Variants in EFNA5 observed in about 807,000 individuals in gnomAD.
The protein encoded by EFNA5 is ephrin A5, also known as ephrin-A5.
Under a neutral mutation model 22.9 loss-of-function variants are expected in EFNA5, and 5 were observed. That is an observed-to-expected ratio of 0.22 (90% CI 0.11 to 0.46). The LOEUF (loss-of-function observed/expected upper bound fraction) is 0.46. Among genes scored for constraint, EFNA5 ranks in the 20% least tolerant of loss-of-function variants. The pLI, the probability that EFNA5 is intolerant of heterozygous loss-of-function variation, is 0.99. For missense variants in EFNA5, 237 were observed against 293.3 expected (o/e 0.81, Z 1.40); for synonymous variants, 113 against 112.2 (o/e 1.01, Z -0.04).
In EFNA5 at chr5:107,612,053, C is replaced by A. The variant is rs1309721374; in HGVS notation, c.125+58436G>T. On this transcript the variant is annotated intron_variant, in intron 1 of 4. Transcript: ENST00000333274. Reference sequence around the variant, plus strand: ...GAATTAGCAATGATTAACAGATATTCTTCAAATATATGTACTTTCTTCAGA... The same window carrying A: ...GAATTAGCAATGATTAACAGATATTATTCAAATATATGTACTTTCTTCAGA... Among the ~76,000 whole-genome samples the A allele has an allele frequency of 2.6e-5, 4 of 152,254 alleles. No homozygotes were observed. In the South Asian group the frequency reaches 6.2e-4, roughly 24 times the overall value.
intron 1 of EFNA5, among the ~76,000 whole-genome samples, chr5:107,548,588 G>A (rs966895700): frequency 9.2e-5 from 14 of 152,192 alleles, no homozygotes; most frequent in African/African-American, 3.4e-4. Context: ...CGGGCTACAA[G>A]GAACTGTCAC....
chr5:107,390,096 G>A (rs1384012158), intron 2 of EFNA5, among the ~76,000 whole-genome samples: 1 of 152,162 alleles, frequency 6.6e-6, no homozygotes, highest in East Asian at 1.9e-4. Context: ...AACCCTTACA[G>A]CCAACCTGAG....
At chr5:107,423,547 G>A (rs1381572981) in intron 2 of EFNA5, among the ~76,000 whole-genome samples, 1 of 151,950 alleles carries the variant, frequency 6.6e-6, no homozygotes, top group Non-Finnish European at 1.5e-5. Flanking sequence ...CAGCTAAAAT[G>A]AGTATTTTTG....
chr5:107,509,700 A>G (rs1201589360), intron 1 of EFNA5, among the ~76,000 whole-genome samples: 1 of 152,052 alleles, frequency 6.6e-6, no homozygotes, highest in East Asian at 1.9e-4. Flanking sequence ...AAATGATTTA[A>G]AAACGTAGAT....
At chr5:107,620,031 G>T (rs1750002680) in intron 1 of EFNA5, among the ~76,000 whole-genome samples, 1 of 152,188 alleles carries the variant, frequency 6.6e-6, no homozygotes, top group Admixed American at 6.5e-5. Context: ...GCTGACAGTA[G>T]CAAACCTCAG....
chr5:107,385,091 A>G (rs1350424519), intron 4 of EFNA5, among the ~76,000 whole-genome samples: 1 of 152,012 alleles, frequency 6.6e-6, no homozygotes, highest in Non-Finnish European at 1.5e-5. Context: ...GTATGCACAC[A>G]CTGAACTACA....
At chr5:107,461,361 G>C (rs1031964974) in intron 1 of EFNA5, among the ~76,000 whole-genome samples, 1 of 152,226 alleles carries the variant, frequency 6.6e-6, no homozygotes, top group East Asian at 1.9e-4. Context: ...CTATTCAGTA[G>C]AATTCTTTAA....
intron 1 of EFNA5, among the ~76,000 whole-genome samples, chr5:107,488,460 T>A (rs1265390563): frequency 6.6e-6 from 1 of 152,204 alleles, no homozygotes; most frequent in East Asian, 1.9e-4. Flanking sequence ...ATATCTCTAG[T>A]TATTCTCTAT....
chr5:107,447,908 C>A (rs547441758), intron 1 of EFNA5, among the ~76,000 whole-genome samples: 11 of 151,978 alleles, frequency 7.2e-5, no homozygotes, highest in African/African-American at 2.4e-4. Flanking sequence ...AGTGCAGTGG[C>A]ACAATCTCAG....
At chr5:107,661,253 T>G (rs539801667) in intron 1 of EFNA5, among the ~76,000 whole-genome samples, 2 of 152,112 alleles carry the variant, frequency 1.3e-5, no homozygotes, top group African/African-American at 4.8e-5. Flanking sequence ...ATAAAATTAT[T>G]GGGAGGCAAA....
chr5:107,670,423 C>G, intron 1 of EFNA5, 66 bp downstream of exon 1: 1 of 1,496,164 alleles, frequency 6.7e-7, no homozygotes, highest in East Asian at 2.6e-5. Context: ...CCGATCCCCG[C>G]CGCCGCTCCT....
intron 1 of EFNA5, among the ~76,000 whole-genome samples, chr5:107,526,122 T>C (rs1001489847): frequency 1.3e-5 from 2 of 152,164 alleles, no homozygotes; most frequent in Non-Finnish European, 2.9e-5. Flanking sequence ...CAGAAACTTA[T>C]CTATTATTTT....
intron 1 of EFNA5, among the ~76,000 whole-genome samples, chr5:107,657,124 CTT>C (rs912336330): frequency 6.6e-6 from 1 of 151,952 alleles, no homozygotes; most frequent in African/African-American, 2.4e-5. Context: ...CTGTTAATAA[CTT>C]TGAGTTAAAT....
At chr5:107,485,825 C>G (rs897227236) in intron 1 of EFNA5, among the ~76,000 whole-genome samples, 1 of 152,180 alleles carries the variant, frequency 6.6e-6, no homozygotes, top group African/African-American at 2.4e-5. Flanking sequence ...ACCTCACCTT[C>G]TACTGCGTAT....
At chr5:107,454,311 T>A (rs1473842336) in intron 1 of EFNA5, among the ~76,000 whole-genome samples, 1 of 152,172 alleles carries the variant, frequency 6.6e-6, no homozygotes, top group Non-Finnish European at 1.5e-5. Flanking sequence ...TTCTTAAAGC[T>A]TTTGCTACTA....
intron 1 of EFNA5, among the ~76,000 whole-genome samples, chr5:107,620,157 C>G (rs538567531): frequency 2.6e-4 from 40 of 152,292 alleles, no homozygotes; most frequent in Non-Finnish European, 4.9e-4. Context: ...TGAAGTTGCA[C>G]AAATCTCCAA....
At chr5:107,444,600 T>G (rs1355209103) in intron 1 of EFNA5, among the ~76,000 whole-genome samples, 1 of 152,216 alleles carries the variant, frequency 6.6e-6, no homozygotes, top group Admixed American at 6.5e-5. Context: ...GGCTGAACAT[T>G]TGAAAAGAAT....
chr5:107,662,341 T>C (rs1214469228), intron 1 of EFNA5, among the ~76,000 whole-genome samples: 1 of 152,204 alleles, frequency 6.6e-6, no homozygotes, highest in African/African-American at 2.4e-5. Context: ...AATATTTCAC[T>C]GTGCCCAGCT....
At chr5:107,455,794 T>C (rs1204723926) in intron 1 of EFNA5, among the ~76,000 whole-genome samples, 2 of 152,324 alleles carry the variant, frequency 1.3e-5, no homozygotes, top group African/African-American at 4.8e-5. Flanking sequence ...GATAATTCTT[T>C]CCACTTTACT....
Sources: gnomAD v4.1 joint callset for allele counts (sites outside exome capture counted in the v4.1 genomes callset) on GRCh38, gnomAD v4.1.1 for gene constraint, MANE v1.5 for transcripts, NCBI Gene and HGNC (gene_info 2026-07-23, HGNC 2026-07-21) for gene names.